Variants in BAG2 observed in about 807,000 individuals in gnomAD.
BAG2 encodes the protein BAG family molecular chaperone regulator 2.
A neutral mutation model predicts 16.4 loss-of-function variants in BAG2; 8 were observed. The observed-to-expected ratio is 0.49, with a 90% CI of 0.29 to 0.88. The LOEUF is 0.88. Among genes scored for constraint, BAG2 ranks in the 40% least tolerant of loss-of-function variants. The pLI is 0.09. For missense variants in BAG2, 218 were observed against 248.9 expected (o/e 0.88, Z 0.84); for synonymous variants, 82 against 89.2 (o/e 0.92, Z 0.46).
At chr6:57,175,940 C>T (rs1764272756) in intron 1 of BAG2, among the ~76,000 whole-genome samples, 1 of 152,312 alleles carries the variant, frequency 6.6e-6, no homozygotes, top group Admixed American at 6.5e-5. Flanking sequence ...GAGGCCTAGA[C>T]TTGCAACGGT....
chr6:57,182,200 T>C, intron 2 of BAG2, 59 bp downstream of exon 2: 1 of 1,485,856 alleles, frequency 6.7e-7, no homozygotes, highest in Admixed American at 1.8e-5. Flanking sequence ...GAGTTTATGA[T>C]AAGTGTGGGT....
At chr6:57,172,890 T>C in intron 1 of BAG2, 80 bp downstream of exon 1, 2 of 1,243,352 alleles carry the variant, frequency 1.6e-6, no homozygotes, top group East Asian at 6.2e-5. Flanking sequence ...GGAGGCCGCG[T>C]GTGGCGGGCC....
Position 57,184,127 on chromosome 6 carries a change from A to T in BAG2, c.573A>T (p.Leu191Phe). The change falls in exon 3 of 3, where the codon TTA (leucine) becomes TTT (phenylalanine). Residue 191 changes from leucine to phenylalanine, a missense_variant. Coordinates refer to ENST00000370693, the MANE Select transcript of BAG2 (RefSeq NM_004282.4). ...ACTCTGACAAGGCCATCAAGCTATT[A>T]GAGCATTCTAAAGGAGCTGGTTCCA... ...IENSDKAIKLLEHSKGAGSKT... is the reference protein window; with the variant it reads ...IENSDKAIKLFEHSKGAGSKT... 1 of 1,589,504 alleles carries T rather than the reference A, an allele frequency of 6.3e-7. No homozygotes were observed. Among genetic ancestry groups the T allele is most frequent in the Non-Finnish European group, 8.5e-7 (1 of 1,173,268 alleles).
chr6:57,183,554 G>T lies in BAG2; in HGVS notation c.224-224G>T, dbSNP rs370726345. Among the ~76,000 whole-genome samples the T allele has an allele frequency of 9.9e-5, 15 of 152,252 alleles. 1 individual carries two copies. The East Asian group carries it at 2.7e-3, about 27-fold the overall frequency. On this transcript the variant is annotated intron_variant, in intron 2 of 2. Transcript: ENST00000370693. ...AACTTTTGCAGACATGCCAATTTGAGAAGTCATCTGGTATCCCATATATGC... is the reference window on the plus strand; with the variant it reads ...AACTTTTGCAGACATGCCAATTTGATAAGTCATCTGGTATCCCATATATGC...
chr6:57,177,502 A>G (rs1562640254), intron 1 of BAG2, among the ~76,000 whole-genome samples: 1 of 152,168 alleles, frequency 6.6e-6, no homozygotes, highest in South Asian at 2.1e-4. Flanking sequence ...TGAAAGCACA[A>G]ATTTTCATCA....
rs1011446926 is a variant in BAG2 at position 57,184,395 on chromosome 6, T to A, written c.*205T>A. ...TTTAATTATCTATCTAGAGATTTTT[T>A]AGATTGAATTCTTGTCTTGTACTAG... On this transcript the variant is annotated 3_prime_UTR_variant, in exon 3 of 3. Coordinates refer to ENST00000370693, the MANE Select transcript of BAG2 (RefSeq NM_004282.4). The A allele has an allele frequency of 4.5e-5, 19 of 417,660 alleles. No individual in the cohort carries two copies. The highest frequency in any genetic ancestry group is 6.5e-4 in the Middle Eastern group (1 of 1,544). The allele number at this position is 417,660 out of a possible 1,614,324, so 25.9% of individuals were successfully genotyped here.
At chr6:57,183,268 T>C (rs896344420) in intron 2 of BAG2, among the ~76,000 whole-genome samples, 14 of 131,750 alleles carry the variant, frequency 1.1e-4, no homozygotes, top group African/African-American at 3.3e-4. Flanking sequence ...GCCAAGACTT[T>C]AGACCACTGT....
intron 1 of BAG2, among the ~76,000 whole-genome samples, chr6:57,181,508 A>G (rs1444738096): frequency 2.0e-5 from 3 of 152,068 alleles, no homozygotes; most frequent in African/African-American, 7.2e-5. Context: ...CCTGGCCAAC[A>G]TGGTGAAACC....
chr6:57,187,428 G>A lies in BAG2; in HGVS notation c.*3238G>A, dbSNP rs749068215. The A allele has an allele frequency of 2.8e-4, 42 of 152,142 alleles. No individual in the cohort carries two copies. The highest frequency in any genetic ancestry group is 5.4e-4 in the Non-Finnish European group (37 of 68,014). 9.4% of individuals were successfully genotyped at this position (152,142 alleles called of 1,614,324 possible). On this transcript the variant is annotated 3_prime_UTR_variant, in exon 3 of 3. Transcript: ENST00000370693. ...GCTGAAAACCTAAGGAGTGACAATA[G>A]TACATGTGACATTCTTAACAGTTAA... is the stretch of plus-strand genomic sequence containing the variant.
chr6:57,177,898 C>T (rs1182701537), intron 1 of BAG2, among the ~76,000 whole-genome samples: 1 of 152,166 alleles, frequency 6.6e-6, no homozygotes, highest in African/African-American at 2.4e-5. Flanking sequence ...TTGTGAGGTG[C>T]CCAAGACCTG....
At chr6:57,174,735 G>A (rs1435318987) in intron 1 of BAG2, among the ~76,000 whole-genome samples, 1 of 152,050 alleles carries the variant, frequency 6.6e-6, no homozygotes, top group Non-Finnish European at 1.5e-5. Context: ...GAAACCACAT[G>A]GGCAATGGCA....
At position 57,172,327 on chromosome 6, in the gene BAG2, G is replaced by A. The variant is rs1764144583; in HGVS notation, c.-371G>A. On this transcript the variant is annotated 5_prime_UTR_variant, in exon 1 of 3. Coordinates refer to ENST00000370693, the MANE Select transcript of BAG2 (RefSeq NM_004282.4). ...GGGTAGTTCCTGGGTCCGGGGAGCA[G>A]ACGATCCGCTAGCCACATTAGGCGC... 6.4e-6 allele frequency: 1 copy of A among 156,686 alleles called. No individual in the cohort carries two copies. The highest frequency in any genetic ancestry group is 1.4e-5 in the Non-Finnish European group (1 of 71,218). The allele number at this position is 156,686 out of a possible 1,614,324, so 9.7% of individuals were successfully genotyped here.
chr6:57,179,672 A>G (rs536657891), intron 1 of BAG2, among the ~76,000 whole-genome samples: 68 of 152,332 alleles, frequency 4.5e-4, no homozygotes, highest in African/African-American at 1.6e-3. Flanking sequence ...ACTGTAATTC[A>G]TAATAACAAC....
Position 57,188,723 on chromosome 6 carries a change from A to C in BAG2, c.*4533A>C, listed in dbSNP as rs370142911. 1.8e-4 allele frequency: 27 copies of C among 152,170 alleles called. No individual in the cohort carries two copies. The highest frequency in any genetic ancestry group is 6.3e-4 in the African/African-American group (26 of 41,454). The allele number at this position is 152,170 out of a possible 1,614,324, so 9.4% of individuals were successfully genotyped here. A position where few individuals can be genotyped will look rare whatever the true frequency, so the allele number is the denominator to read the frequency against. ...GACAACTGGTGACATAAAAATAAGC[A>C]TTTTACATTACTGTGAAATAGATAA... On this transcript the variant is annotated 3_prime_UTR_variant, in exon 3 of 3. Transcript: ENST00000370693.
rs1318604618 is a variant in BAG2 at position 57,189,298 on chromosome 6, A to G, written c.*5108A>G. The stretch of plus-strand genomic sequence containing the variant: ...GTGATTGATAATCTTAAAATACCAT[A>G]CAAAAATGTGTAAACAAAAGGATGG... On this transcript the variant is annotated 3_prime_UTR_variant, in exon 3 of 3. Transcript: ENST00000370693. 1 of 152,246 alleles carries G rather than the reference A, an allele frequency of 6.6e-6. No individual in the cohort carries two copies. Among genetic ancestry groups the G allele is most frequent in the African/African-American group, 2.4e-5 (1 of 41,476 alleles). 9.4% of individuals were successfully genotyped at this position (152,246 alleles called of 1,614,324 possible).
At chr6:57,172,831 C>T (rs1562637854) in intron 1 of BAG2, 21 bp downstream of exon 1, 1 of 1,462,686 alleles carries the variant, frequency 6.8e-7, no homozygotes. Context: ...GGCGGGCGGT[C>T]TCGGGCGTTC....
Position 57,188,013 on chromosome 6 carries a change from A to ACTC in BAG2, c.*3824_*3826dup, listed in dbSNP as rs1764675353. The ACTC allele has an allele frequency of 6.6e-6, 1 of 152,188 alleles. No homozygotes were observed. Among genetic ancestry groups the ACTC allele is most frequent in the Non-Finnish European group, 1.5e-5 (1 of 68,022 alleles). 9.4% of individuals were successfully genotyped at this position (152,188 alleles called of 1,614,324 possible). A position where few individuals can be genotyped will look rare whatever the true frequency, so the allele number is the denominator to read the frequency against. On this transcript the variant is annotated 3_prime_UTR_variant, in exon 3 of 3. Transcript: ENST00000370693. ...GGAAAAGGAAAAGGAAACCTGAGGAACTCTGAAATATGGCAGTTATTCCAC... is the reference window on the plus strand; with the variant it reads ...GGAAAAGGAAAAGGAAACCTGAGGAACTCCTCTGAAATATGGCAGTTATTCCAC...
chr6:57,174,897 G>C (rs1182897080), intron 1 of BAG2, among the ~76,000 whole-genome samples: 1 of 152,194 alleles, frequency 6.6e-6, no homozygotes, highest in South Asian at 2.1e-4. Flanking sequence ...TTTGTACTTA[G>C]AAGTGTGCAC....
intron 1 of BAG2, among the ~76,000 whole-genome samples, chr6:57,176,001 G>A (rs945963072): frequency 3.3e-5 from 5 of 152,160 alleles, no homozygotes; most frequent in South Asian, 2.1e-4. Context: ...ATCTGATACC[G>A]TCTCCAGGTG....
Sources: gnomAD v4.1 joint callset for allele counts (sites outside exome capture counted in the v4.1 genomes callset) on GRCh38, gnomAD v4.1.1 for gene constraint, MANE v1.5 for transcripts, NCBI Gene and HGNC (gene_info 2026-07-23, HGNC 2026-07-21) for gene names.